Variants in SUGCT observed in about 807,000 individuals in gnomAD.
SUGCT encodes succinyl-CoA:glutarate-CoA transferase, also known as succinyl-CoA:glutarate CoA-transferase.
SUGCT carries 41 observed loss-of-function variants against 55.0 expected under a neutral mutation model. The observed-to-expected ratio is 0.74, with a 90% CI of 0.58 to 0.97. The LOEUF (loss-of-function observed/expected upper bound fraction) is 0.97. Among genes scored for constraint, SUGCT ranks in the 50% least tolerant of loss-of-function variants. The pLI, the probability that SUGCT is intolerant of heterozygous loss-of-function variation, is 0.00. For missense variants in SUGCT, 568 were observed against 547.8 expected (o/e 1.04, Z -0.37); for synonymous variants, 187 against 200.4 (o/e 0.93, Z 0.56).
At chr7:40,598,269 A>G (rs1296250768) in intron 12 of SUGCT, among the ~76,000 whole-genome samples, 1 of 152,212 alleles carries the variant, frequency 6.6e-6, no homozygotes, top group African/African-American at 2.4e-5. Context: ...TGAGTTCTGG[A>G]CCATGGTGGG....
chr7:40,367,348 A>G (rs1211857635), intron 9 of SUGCT, among the ~76,000 whole-genome samples: 1 of 151,828 alleles, frequency 6.6e-6, no homozygotes, highest in African/African-American at 2.4e-5. Flanking sequence ...GGACACCAGC[A>G]TGGCACATGT....
chr7:40,921,480 T>C, the SUGCT span, among the ~76,000 whole-genome samples: 1 of 152,142 alleles, frequency 6.6e-6, no homozygotes, highest in Non-Finnish European at 1.5e-5. Context: ...CTGAAGCAGG[T>C]CATCAGGGTG....
chr7:40,757,269 A>G (rs1200876436), intron 13 of SUGCT, among the ~76,000 whole-genome samples: 3 of 152,184 alleles, frequency 2.0e-5, no homozygotes, highest in Non-Finnish European at 4.4e-5. Context: ...CCAGAGAAGC[A>G]TCAGGAGCCA....
chr7:40,160,298 G>A (rs1424400797), intron 1 of SUGCT, among the ~76,000 whole-genome samples: 1 of 151,830 alleles, frequency 6.6e-6, no homozygotes, highest in East Asian at 1.9e-4. Flanking sequence ...GTATGATCTC[G>A]GCTCACTGCA....
chr7:40,328,359 T>A (rs550914891), intron 9 of SUGCT, among the ~76,000 whole-genome samples: 20 of 152,312 alleles, frequency 1.3e-4, no homozygotes, highest in African/African-American at 4.3e-4. Flanking sequence ...ATCTATTTAA[T>A]GAGAACAGTC....
intron 13 of SUGCT, among the ~76,000 whole-genome samples, chr7:40,784,250 A>G (rs1789906321): frequency 1.3e-5 from 2 of 152,078 alleles, no homozygotes; most frequent in South Asian, 4.1e-4. Flanking sequence ...TCATAGCTTT[A>G]TCAAAACTTA....
chr7:40,251,520 G>A (rs1790402486), intron 7 of SUGCT, among the ~76,000 whole-genome samples: 1 of 152,068 alleles, frequency 6.6e-6, no homozygotes, highest in Non-Finnish European at 1.5e-5. Context: ...AGGGTTCAGG[G>A]GTCAGCCCTC....
At chr7:40,581,633 C>A (rs1306132436) in intron 12 of SUGCT, among the ~76,000 whole-genome samples, 2 of 152,110 alleles carry the variant, frequency 1.3e-5, no homozygotes, top group Non-Finnish European at 2.9e-5. Flanking sequence ...ACCTTATCTT[C>A]CAAATGATGT....
At chr7:40,731,163 C>T (rs981086964) in intron 12 of SUGCT, among the ~76,000 whole-genome samples, 1 of 152,076 alleles carries the variant, frequency 6.6e-6, no homozygotes, top group Non-Finnish European at 1.5e-5. Context: ...TTTTGGGTGG[C>T]CCTATTGACT....
intron 12 of SUGCT, among the ~76,000 whole-genome samples, chr7:40,531,079 A>G (rs931872375): frequency 2.0e-5 from 3 of 152,234 alleles, no homozygotes. Context: ...ATTAGTCCCT[A>G]TTACCCAAGT....
At chr7:40,499,911 GCATGAAATA>G (rs1792188831) in intron 12 of SUGCT, among the ~76,000 whole-genome samples, 1 of 152,054 alleles carries the variant, frequency 6.6e-6, no homozygotes, top group Non-Finnish European at 1.5e-5. Context: ...GGGAACATGT[GCATGAAATA>G]CATTGTGGTT....
chr7:40,975,116 A>G, the SUGCT span, among the ~76,000 whole-genome samples: 1 of 152,190 alleles, frequency 6.6e-6, no homozygotes, highest in African/African-American at 2.4e-5. Context: ...TGTCTGATCA[A>G]TTTTATAAAT....
chr7:40,189,611 A>G lies in SUGCT; in HGVS notation c.363+17A>G. Reference sequence around the variant, plus strand: ...ATCAAAGAGGTACAGTATGATGTATAGAAAGCATCCTACCACCTAGGTTAT... The same window carrying G: ...ATCAAAGAGGTACAGTATGATGTATGGAAAGCATCCTACCACCTAGGTTAT... On this transcript the variant is annotated intron_variant, in intron 5 of 13. Transcript: ENST00000335693. 1 of 1,379,446 alleles carries G rather than the reference A, an allele frequency of 7.2e-7. No homozygotes were observed. Among genetic ancestry groups the G allele is most frequent in the South Asian group, 1.7e-5 (1 of 58,318 alleles). The allele number at this position is 1,379,446 out of a possible 1,614,324, so 85.5% of individuals were successfully genotyped here.
At chr7:40,958,181 G>C in the SUGCT span, among the ~76,000 whole-genome samples, 3 of 152,150 alleles carry the variant, frequency 2.0e-5, no homozygotes, top group South Asian at 2.1e-4. Flanking sequence ...GGTGTTCTCT[G>C]TATTTCCTGA....
At chr7:40,299,416 A>G (rs1584617175) in intron 8 of SUGCT, among the ~76,000 whole-genome samples, 1 of 152,198 alleles carries the variant, frequency 6.6e-6, no homozygotes, top group Non-Finnish European at 1.5e-5. Context: ...ACAAACTGTC[A>G]CAGGTTGCAT....
intron 12 of SUGCT, among the ~76,000 whole-genome samples, chr7:40,536,084 G>A (rs1233797740): frequency 6.6e-6 from 1 of 152,168 alleles, no homozygotes; most frequent in African/African-American, 2.4e-5. Flanking sequence ...TTTGTCGAAT[G>A]CATGGTTTGC....
At chr7:40,933,160 C>T in the SUGCT span, among the ~76,000 whole-genome samples, 13 of 152,218 alleles carry the variant, frequency 8.5e-5, no homozygotes, top group Admixed American at 7.8e-4. Context: ...GTTTGCTTGT[C>T]TGTAAAGGAT....
At chr7:40,152,553 A>C (rs1788628522) in intron 1 of SUGCT, 1 of 206,246 alleles carries the variant, frequency 4.8e-6, no homozygotes, top group Non-Finnish European at 1.1e-5. Flanking sequence ...GCTTAGGTTT[A>C]TTGTCCGAGA....
chr7:40,447,786 A>G (rs191780288), intron 9 of SUGCT, among the ~76,000 whole-genome samples: 13 of 152,300 alleles, frequency 8.5e-5, no homozygotes, highest in African/African-American at 2.9e-4. Flanking sequence ...AGTCCAGTCA[A>G]GGAAAACAGT....
Sources: gnomAD v4.1 joint callset for allele counts (sites outside exome capture counted in the v4.1 genomes callset) on GRCh38, gnomAD v4.1.1 for gene constraint, MANE v1.5 for transcripts, NCBI Gene and HGNC (gene_info 2026-07-23, HGNC 2026-07-21) for gene names.